The following PRKCA variants were observed in gnomAD, a reference collection of about 807,000 sequenced individuals.
The protein encoded by PRKCA is protein kinase C alpha type.
A neutral mutation model predicts 87.0 loss-of-function variants in PRKCA; 27 were observed. That is an observed-to-expected ratio of 0.31 (90% CI 0.23 to 0.43). The LOEUF (loss-of-function observed/expected upper bound fraction) is 0.43, where lower values mean the gene tolerates loss of function less well. PRKCA is among the 20% of genes least tolerant of loss of function. The probability of loss-of-function intolerance (pLI) is 1.00; values close to 1 mark genes in which losing one functional copy is unlikely to be tolerated. For missense variants in PRKCA, 518 were observed against 852.3 expected (o/e 0.61, Z 4.88); for synonymous variants, 329 against 311.1 (o/e 1.06, Z -0.61).
intron 2 of PRKCA, among the ~76,000 whole-genome samples, chr17:66,481,963 C>T (rs1422583918): frequency 6.6e-6 from 1 of 151,458 alleles, no homozygotes; most frequent in Non-Finnish European, 1.5e-5. Context: ...TAGCTGGGTG[C>T]GGTGGTGGGC....
At chr17:66,492,025 G>A (rs923798801) in intron 2 of PRKCA, among the ~76,000 whole-genome samples, 3 of 152,172 alleles carry the variant, frequency 2.0e-5, no homozygotes, top group Non-Finnish European at 4.4e-5. Context: ...CCCAGGATTG[G>A]GCACATTCTG....
chr17:66,353,973 G>C (rs1264060256), intron 2 of PRKCA, among the ~76,000 whole-genome samples: 1 of 152,026 alleles, frequency 6.6e-6, no homozygotes, highest in African/African-American at 2.4e-5. Flanking sequence ...CAGGTTTTAT[G>C]CTACTTTGCT....
intron 8 of PRKCA, among the ~76,000 whole-genome samples, chr17:66,711,082 T>A (rs994124833): frequency 6.6e-6 from 1 of 150,858 alleles, no homozygotes; most frequent in Non-Finnish European, 1.5e-5. Context: ...ATAAATAAAA[T>A]TTTACCAAGC....
chr17:66,774,918 T>C lies in PRKCA; in HGVS notation c.1605+851T>C, dbSNP rs891300653. Reference sequence around the variant, plus strand: ...AAGGTAAATTAGCTTTCTCTTATGATGTGACATGTACCAGATAACCATGTG... The same window carrying C: ...AAGGTAAATTAGCTTTCTCTTATGACGTGACATGTACCAGATAACCATGTG... On this transcript the variant is annotated intron_variant, in intron 14 of 16. Transcript: ENST00000413366. 1.1e-5 allele frequency: 11 copies of C among 985,322 alleles called. No individual in the cohort carries two copies. In the African/African-American group the frequency reaches 1.7e-4, roughly 16 times the overall value. 61.0% of individuals were successfully genotyped at this position (985,322 alleles called of 1,614,324 possible).
chr17:66,454,590 A>G (rs975565049), intron 2 of PRKCA, among the ~76,000 whole-genome samples: 44 of 152,194 alleles, frequency 2.9e-4, no homozygotes, highest in Non-Finnish European at 2.9e-5. Context: ...CCTCACAATC[A>G]TGGCGGAAGG....
At chr17:66,610,028 A>C (rs1369322061) in intron 3 of PRKCA, among the ~76,000 whole-genome samples, 1 of 152,102 alleles carries the variant, frequency 6.6e-6, no homozygotes, top group Non-Finnish European at 1.5e-5. Context: ...CGACAAGATA[A>C]GGGTTCAGTC....
intron 2 of PRKCA, among the ~76,000 whole-genome samples, chr17:66,459,932 C>T (rs1165234736): frequency 6.6e-6 from 1 of 152,172 alleles, no homozygotes; most frequent in Admixed American, 6.5e-5. Flanking sequence ...GCCACATCAG[C>T]AGGCCTTGAG....
At chr17:66,624,422 C>T (rs375656104) in intron 3 of PRKCA, among the ~76,000 whole-genome samples, 14 of 152,284 alleles carry the variant, frequency 9.2e-5, no homozygotes, top group African/African-American at 3.4e-4. Context: ...TAGACTTGAA[C>T]AAATCAGGTG....
At chr17:66,715,383 C>T (rs1238957054) in intron 8 of PRKCA, among the ~76,000 whole-genome samples, 3 of 152,146 alleles carry the variant, frequency 2.0e-5, no homozygotes, top group Admixed American at 6.5e-5. Flanking sequence ...GTGTAACTGT[C>T]GTTACTTCTC....
chr17:66,514,903 T>G (rs1227818303), intron 3 of PRKCA, among the ~76,000 whole-genome samples: 1 of 152,178 alleles, frequency 6.6e-6, no homozygotes, highest in Middle Eastern at 3.2e-3. Flanking sequence ...ATGGTTTTGT[T>G]TGCTTGCTTT....
chr17:66,735,431 C>T, intron 9 of PRKCA, 58 bp from the exon 10 acceptor site: 7 of 1,600,646 alleles, frequency 4.4e-6, no homozygotes, highest in Non-Finnish European at 6.0e-6. Context: ...GGTTCCTTCC[C>T]TCTGCCCCCC....
At chr17:66,467,524 T>C (rs1915137831) in intron 2 of PRKCA, among the ~76,000 whole-genome samples, 1 of 152,186 alleles carries the variant, frequency 6.6e-6, no homozygotes, top group Non-Finnish European at 1.5e-5. Flanking sequence ...TAGTACCTGC[T>C]CTAGTGCTTT....
intron 14 of PRKCA, chr17:66,774,355 T>A (rs955806975): frequency 2.5e-6 from 3 of 1,221,672 alleles, no homozygotes; most frequent in Non-Finnish European, 3.1e-6. Context: ...GCGCGGTGGC[T>A]CATGGCTATA....
At chr17:66,722,067 T>C (rs1973629428) in intron 8 of PRKCA, among the ~76,000 whole-genome samples, 1 of 152,158 alleles carries the variant, frequency 6.6e-6, no homozygotes, top group African/African-American at 2.4e-5. Context: ...TGGACCTGTA[T>C]TCATACTGGA....
intron 3 of PRKCA, among the ~76,000 whole-genome samples, chr17:66,520,609 C>T (rs987319465): frequency 2.6e-5 from 4 of 152,174 alleles, no homozygotes; most frequent in African/African-American, 9.7e-5. Context: ...TATCAAAAGG[C>T]ACGTTAAGTT....
At chr17:66,504,736 C>T (rs1769077816) in intron 3 of PRKCA, among the ~76,000 whole-genome samples, 1 of 152,174 alleles carries the variant, frequency 6.6e-6, no homozygotes, top group African/African-American at 2.4e-5. Flanking sequence ...GGTGACATTT[C>T]AAGATGTATT....
chr17:66,521,331 A>C (rs773282436), intron 3 of PRKCA, among the ~76,000 whole-genome samples: 1 of 152,228 alleles, frequency 6.6e-6, no homozygotes, highest in Non-Finnish European at 1.5e-5. Context: ...TATAATGACC[A>C]TAAAAGAGTT....
chr17:66,574,014 A>G (rs576754867), intron 3 of PRKCA, among the ~76,000 whole-genome samples: 1 of 152,326 alleles, frequency 6.6e-6, no homozygotes, highest in South Asian at 2.1e-4. Flanking sequence ...ATTAAAGACA[A>G]CAATGTAAAA....
chr17:66,695,444 GT>G (rs1305133865), intron 8 of PRKCA, among the ~76,000 whole-genome samples: 2 of 152,306 alleles, frequency 1.3e-5, no homozygotes, highest in South Asian at 4.1e-4. Flanking sequence ...TACCTGTAGG[GT>G]TGCTTATCTA....
Sources: gnomAD v4.1 joint callset for allele counts (sites outside exome capture counted in the v4.1 genomes callset) on GRCh38, gnomAD v4.1.1 for gene constraint, MANE v1.5 for transcripts, NCBI Gene and HGNC (gene_info 2026-07-23, HGNC 2026-07-21) for gene names.